The following CLDN14 variants were observed in gnomAD, a reference collection of about 807,000 sequenced individuals.
The protein encoded by CLDN14 is claudin-14.
In CLDN14, 2 loss-of-function variants were observed where a neutral mutation model predicts 2.1. The observed-to-expected ratio is 0.96, with a 90% CI of 0.39 to 3.01. The LOEUF is 3.01. Among genes scored for constraint, CLDN14 ranks in the 30% most tolerant of loss-of-function variants. The pLI, the probability that CLDN14 is intolerant of heterozygous loss-of-function variation, is 0.09. For missense variants in CLDN14, 298 were observed against 328.0 expected (o/e 0.91, Z 0.71); for synonymous variants, 136 against 154.4 (o/e 0.88, Z 0.88).
chr21:36,554,133 G>A (rs2087581963), intron 1 of CLDN14, among the ~76,000 whole-genome samples: 1 of 152,088 alleles, frequency 6.6e-6, no homozygotes, highest in Non-Finnish European at 1.5e-5. Flanking sequence ...TGACAAACTG[G>A]ATGTGTCTGC....
At chr21:36,552,526 G>C (rs187192063) in intron 1 of CLDN14, among the ~76,000 whole-genome samples, 1 of 152,254 alleles carries the variant, frequency 6.6e-6, no homozygotes, top group Admixed American at 6.5e-5. Flanking sequence ...TGGAAATTTT[G>C]CCCAGAATGC....
chr21:36,529,796 TTTGTTAGTCTAAAAATTAA>T (rs977260575), intron 1 of CLDN14, among the ~76,000 whole-genome samples: 2 of 152,264 alleles, frequency 1.3e-5, no homozygotes, highest in African/African-American at 4.8e-5. Context: ...TTTATATTTA[TTTGTTAGTCTAAAAATTAA>T]TTGTTACCTG....
Position 36,565,110 on chromosome 21 carries a change from T to C in CLDN14, c.-220+11301A>G, listed in dbSNP as rs959158248. 2.0e-5 allele frequency among the ~76,000 whole-genome samples: 3 copies of C among 152,228 alleles called. No individual in the cohort carries two copies. In the East Asian group the frequency reaches 5.8e-4, roughly 29 times the overall value. ...CAGCGGCCACGGGAAGCTAACACAGTTCCTCAATGTTTTCCTCTGATTGAC... is the reference window on the plus strand; with the variant it reads ...CAGCGGCCACGGGAAGCTAACACAGCTCCTCAATGTTTTCCTCTGATTGAC... On this transcript the variant is annotated intron_variant, in intron 1 of 2. Transcript: ENST00000342108.
intron 2 of CLDN14, chr21:36,486,949 G>T: frequency 1.9e-6 from 1 of 518,766 alleles, no homozygotes. Flanking sequence ...TGTGATGAGG[G>T]CCATGTTGTT....
At chr21:36,530,304 C>A (rs567668700) in intron 1 of CLDN14, among the ~76,000 whole-genome samples, 1 of 81,084 alleles carries the variant, frequency 1.2e-5, no homozygotes, top group Non-Finnish European at 2.4e-5. Context: ...GGGACAGTGG[C>A]GGGGGGTGGG....
intron 1 of CLDN14, among the ~76,000 whole-genome samples, chr21:36,521,871 G>A (rs188748698): frequency 5.7e-4 from 87 of 152,270 alleles, no homozygotes; most frequent in Admixed American, 1.1e-3. Context: ...GAAAATGGCA[G>A]CATCGTCACG....
intron 1 of CLDN14, chr21:36,532,079 AT>A (rs1259043854): frequency 2.0e-5 from 3 of 152,338 alleles, no homozygotes; most frequent in Admixed American, 2.0e-4. Flanking sequence ...AACAAAATTC[AT>A]TTTACCAACC....
intron 1 of CLDN14, among the ~76,000 whole-genome samples, chr21:36,524,833 T>G (rs1368449825): frequency 6.6e-6 from 1 of 152,216 alleles, no homozygotes; most frequent in Non-Finnish European, 1.5e-5. Flanking sequence ...GGACGGGCCC[T>G]GCACCCAGGT....
chr21:36,467,119 C>T (rs1022449811), intron 1 of CLDN14, among the ~76,000 whole-genome samples: 18 of 152,190 alleles, frequency 1.2e-4, no homozygotes, highest in African/African-American at 4.1e-4. Flanking sequence ...TTCAGGATCA[C>T]CAGCTCTGAA....
intron 2 of CLDN14, among the ~76,000 whole-genome samples, chr21:36,494,589 C>T (rs188990197): frequency 2.7e-4 from 41 of 152,160 alleles, no homozygotes; most frequent in African/African-American, 7.2e-4. Context: ...TACAAAGAGG[C>T]GATTCAGTTA....
In CLDN14 at chr21:36,499,718, T is replaced by C. The variant is rs117744204; in HGVS notation, c.-82+10645A>G. 1.2e-3 allele frequency among the ~76,000 whole-genome samples: 177 copies of C among 152,316 alleles called. No individual in the cohort carries two copies. The highest frequency in any genetic ancestry group is 4.1e-3 in the African/African-American group (169 of 41,578). On this transcript the variant is annotated intron_variant, in intron 2 of 2. Transcript: ENST00000342108. The surrounding 1 kb of genome is among the most constrained non-coding windows in gnomAD (Gnocchi z 4.7). Reference sequence around the variant, plus strand: ...AGACACGCAGACAATAAATACTGATTCTTGGACTACAGAGCCAAAGACAAA... The same window carrying C: ...AGACACGCAGACAATAAATACTGATCCTTGGACTACAGAGCCAAAGACAAA...
chr21:36,503,703 A>T (rs1470524565), intron 2 of CLDN14, among the ~76,000 whole-genome samples: 2 of 152,178 alleles, frequency 1.3e-5, no homozygotes, highest in Non-Finnish European at 2.9e-5. Context: ...ACCAGCCAAG[A>T]ATGGATTTTT....
rs1362420576 is a variant in CLDN14, at chr21:36,461,745, G to A, written c.-50C>T. The A allele has an allele frequency of 1.4e-5, 21 of 1,538,798 alleles. No homozygotes were observed. Among genetic ancestry groups the A allele is most frequent in the Non-Finnish European group, 1.7e-5 (19 of 1,143,986 alleles). Reference sequence around the variant, plus strand: ...CCGGGCAGCTCCCTGGGCCCTCGGGGTCACGCCGCTCCTCAGGTGCCAGCC... The same window carrying A: ...CCGGGCAGCTCCCTGGGCCCTCGGGATCACGCCGCTCCTCAGGTGCCAGCC... On this transcript the variant is annotated 5_prime_UTR_variant, in exon 2 of 2. Coordinates refer to ENST00000399135, the MANE Select transcript of CLDN14 (RefSeq NM_001146079.2).
At chr21:36,512,511 C>G (rs1362733735) in intron 1 of CLDN14, among the ~76,000 whole-genome samples, 1 of 152,140 alleles carries the variant, frequency 6.6e-6, no homozygotes, top group African/African-American at 2.4e-5. Context: ...GATTGAAAAG[C>G]TAGTAAAATA....
upstream of CLDN14, among the ~76,000 whole-genome samples, chr21:36,482,202 G>A (rs977582513): frequency 6.6e-6 from 1 of 152,222 alleles, no homozygotes; most frequent in Non-Finnish European, 1.5e-5. Flanking sequence ...CCAATCAGGG[G>A]TAAGTGAGGA....
intron 1 of CLDN14, among the ~76,000 whole-genome samples, chr21:36,571,862 A>G (rs1395818400): frequency 6.6e-6 from 1 of 152,166 alleles, no homozygotes; most frequent in Non-Finnish European, 1.5e-5. Context: ...CTACGTTTCT[A>G]AGGTATGAAA....
intron 1 of CLDN14, among the ~76,000 whole-genome samples, chr21:36,573,078 G>A (rs1038648602): frequency 2.0e-5 from 3 of 152,170 alleles, no homozygotes; most frequent in Non-Finnish European, 4.4e-5. Flanking sequence ...GAGGCAGGTG[G>A]ATCACGAGGT....
intron 1 of CLDN14, among the ~76,000 whole-genome samples, chr21:36,525,018 G>C (rs1413431978): frequency 1.3e-5 from 2 of 152,116 alleles, no homozygotes; most frequent in Non-Finnish European, 2.9e-5. Flanking sequence ...CTTCTCATGG[G>C]CGCTGCTCCG....
intron 1 of CLDN14, among the ~76,000 whole-genome samples, chr21:36,464,462 G>A (rs949899798): frequency 3.9e-5 from 6 of 152,222 alleles, no homozygotes; most frequent in African/African-American, 1.2e-4. Flanking sequence ...TATGCACGAT[G>A]CTGGCTTTGC....
Sources: allele counts gnomAD v4.1 joint callset (sites outside exome capture counted in the v4.1 genomes callset), GRCh38; gene constraint gnomAD v4.1.1; non-coding constraint Gnocchi (gnomAD v3.1); transcripts MANE v1.5; gene names NCBI Gene and HGNC (gene_info 2026-07-23, HGNC 2026-07-21).